The following GRAMD1A variants were observed in gnomAD, a reference collection of about 807,000 sequenced individuals.
GRAMD1A encodes protein Aster-A.
Under a neutral mutation model 92.0 loss-of-function variants are expected in GRAMD1A, and 50 were observed. The observed-to-expected ratio is 0.54, with a 90% CI of 0.43 to 0.69. The LOEUF is 0.69. Among genes scored for constraint, GRAMD1A ranks in the 30% least tolerant of loss-of-function variants. GRAMD1A has a pLI of 0.00. For missense variants in GRAMD1A, 819 were observed against 978.9 expected, an observed-to-expected ratio of 0.84 and a Z score of 2.18; for synonymous variants, 405 against 403.6, an observed-to-expected ratio of 1.00 and a Z score of -0.04.
At chr19:35,007,951 CTTAGGGTT>C in intron 1 of GRAMD1A, among the ~76,000 whole-genome samples, 1 of 152,052 alleles carries the variant, frequency 6.6e-6, no homozygotes, top group Non-Finnish European at 1.5e-5. Flanking sequence ...AAGAAAGATG[CTTAGGGTT>C]TTAGCTCCGA....
At position 35,014,465 on chromosome 19, in the gene GRAMD1A, C is replaced by T. The variant is rs531516745; in HGVS notation, c.1069+78C>T. On this transcript the variant is annotated intron_variant, in intron 10 of 19. Transcript: ENST00000317991. ...AGTCTTAAGCAAGAGGGGATGGATT[C>T]GCCCGCAGCACTGAGAATCCAGGGG... The T allele has an allele frequency of 4.6e-5, 58 of 1,266,500 alleles. No individual in the cohort carries two copies. In the South Asian group the frequency reaches 4.7e-4, roughly 10 times the overall value. 78.5% of individuals were successfully genotyped at this position (1,266,500 alleles called of 1,614,324 possible). A position where few individuals can be genotyped will look rare whatever the true frequency, so the allele number is the denominator to read the frequency against.
intron 18 of GRAMD1A, 24 bp downstream of exon 18, chr19:35,023,367 G>A: frequency 1.2e-6 from 2 of 1,613,298 alleles, no homozygotes; most frequent in South Asian, 1.1e-5. Flanking sequence ...CTGGGGAAAT[G>A]GGGGGGCTTG....
rs775880655 is a variant in GRAMD1A, at chr19:35,013,698, G to A, written c.870+7G>A. ...CAGCGACGCAGACCATGGGGTGAGC[G>A]GTGGGTTGGAAGAGGGGTGGGATAC... On this transcript the variant is annotated splice_region_variant and intron_variant, in intron 9 of 19. Transcript: ENST00000317991. This position sits in a 1 kb window ranked among gnomAD's most constrained non-coding sequence, Gnocchi z 4.9. The A allele has an allele frequency of 1.7e-5, 27 of 1,601,966 alleles. No individual in the cohort carries two copies. The highest frequency in any genetic ancestry group is 1.4e-4 in the South Asian group (13 of 89,920).
At chr19:34,997,123 A>T (rs2014067905), upstream of GRAMD1A, among the ~76,000 whole-genome samples, 1 of 151,984 alleles carries the variant, frequency 6.6e-6, no homozygotes, top group African/African-American at 2.4e-5. Context: ...CATGTTGCCC[A>T]GGCTGGTCTT....
At chr19:34,996,176 G>A, upstream of GRAMD1A, 1 of 1,535,788 alleles carries the variant, frequency 6.5e-7, no homozygotes, top group Non-Finnish European at 8.7e-7. Context: ...GCTCCTGGAG[G>A]TGCCCATCAT....
At position 35,021,779 on chromosome 19, in the gene GRAMD1A, G is replaced by A; in HGVS notation, c.1668G>A (p.Lys556=). ...RGLLSGLRRR[K]RPLSWRAHGD... Reference sequence around the variant, plus strand: ...TGCTATCCGGCCTGCGGCGGCGGAAGCGGCCCCTGAGCTGGCGGGCTCACG... The same window carrying A: ...TGCTATCCGGCCTGCGGCGGCGGAAACGGCCCCTGAGCTGGCGGGCTCACG... The change falls in exon 15 of 20, where the codon AAG becomes AAA. Residue 556 remains lysine (K), a synonymous_variant. Transcript: ENST00000317991. The surrounding 1 kb of genome is among the most constrained non-coding windows in gnomAD (Gnocchi z 5.3). The A allele has an allele frequency of 6.2e-7, 1 of 1,612,482 alleles. No individual in the cohort carries two copies. Among genetic ancestry groups the A allele is most frequent in the South Asian group, 1.1e-5 (1 of 90,966 alleles).
At chr19:35,017,483 G>A (rs1600320835) in intron 11 of GRAMD1A, among the ~76,000 whole-genome samples, 1 of 152,102 alleles carries the variant, frequency 6.6e-6, no homozygotes, top group Non-Finnish European at 1.5e-5. Flanking sequence ...ACTCCCATCT[G>A]ACACGCTCCT....
chr19:35,010,094 TAC>T lies in GRAMD1A; in HGVS notation c.329_330del (p.Tyr110PhefsTer7). The stretch of plus-strand genomic sequence containing the variant: ...CTGTCTCTCCCCGCCCCTCTCAGAT[TAC>T]TCCTGCGCCCTGCAGCGTGAGATCC... Reference protein sequence around the residue: ...LPEAERLIVDYSCALQREILL... With the variant: ...LPEAERLIVDXSCALQREILL... On this transcript the variant is annotated frameshift_variant, in exon 5 of 20. Coordinates refer to ENST00000317991, the MANE Select transcript of GRAMD1A (RefSeq NM_020895.5). LOFTEE classifies it high-confidence loss of function. 1 of 1,605,988 alleles carries T rather than the reference TAC, an allele frequency of 6.2e-7. No homozygotes were observed. Among genetic ancestry groups the T allele is most frequent in the Non-Finnish European group, 8.5e-7 (1 of 1,172,614 alleles).
At chr19:35,014,722 G>A (rs911318739) in intron 10 of GRAMD1A, 1 of 353,068 alleles carries the variant, frequency 2.8e-6, no homozygotes. Flanking sequence ...TCATAGGATT[G>A]TTGTTAAGAG....
In GRAMD1A at chr19:35,011,118, AAAG is replaced by A. The variant is rs200285738; in HGVS notation, c.526-355_526-353del. 3.1e-3 allele frequency among the ~76,000 whole-genome samples: 465 copies of A among 151,596 alleles called. 2 individuals are homozygous for A. Among genetic ancestry groups the A allele is most frequent in the African/African-American group, 0.011 (445 of 41,302 alleles). ...CCCTGTCTCAAAAAAAAAAAAAAAA[AAAG>A]GATCAACTGACCATTCTTAGTGGCA... On this transcript the variant is annotated intron_variant, in intron 6 of 19. Transcript: ENST00000317991.
intron 10 of GRAMD1A, 165 bp downstream of exon 10, chr19:35,014,552 C>T (rs1456497748): frequency 4.6e-6 from 3 of 649,900 alleles, no homozygotes; most frequent in Non-Finnish European, 5.4e-6. Flanking sequence ...GTTTTGAAGG[C>T]AGCATGGCAG....
At position 35,013,087 on chromosome 19, in the gene GRAMD1A, T is replaced by C. The variant is rs375324476; in HGVS notation, c.607-169T>C. The C allele has an allele frequency of 1.3e-4, 75 of 576,022 alleles. No homozygotes were observed. The East Asian group carries it at 1.3e-3, about 10-fold the overall frequency. The allele number at this position is 576,022 out of a possible 1,614,324, so 35.7% of individuals were successfully genotyped here. A position where few individuals can be genotyped will look rare whatever the true frequency, so the allele number is the denominator to read the frequency against. ...TCCTGGGCGCAGGCCCTGGAGGGGCTGTAGCAGGGGATTCCCCGCTTGCTG... is the reference window on the plus strand; with the variant it reads ...TCCTGGGCGCAGGCCCTGGAGGGGCCGTAGCAGGGGATTCCCCGCTTGCTG... On this transcript the variant is annotated intron_variant, in intron 7 of 19. Transcript: ENST00000317991. The surrounding 1 kb of genome is among the most constrained non-coding windows in gnomAD (Gnocchi z 4.9).
chr19:35,017,520 T>C (rs1229908159), intron 11 of GRAMD1A, among the ~76,000 whole-genome samples: 1 of 152,066 alleles, frequency 6.6e-6, no homozygotes, highest in Admixed American at 6.6e-5. Context: ...TTTTGTAGCC[T>C]CCCAAGTTCC....
At chr19:34,998,799 A>G (rs2014151871), upstream of GRAMD1A, among the ~76,000 whole-genome samples, 2 of 140,090 alleles carry the variant, frequency 1.4e-5, no homozygotes, top group Non-Finnish European at 3.1e-5. Context: ...GAGGTAGGGC[A>G]CGGCGATAGG....
At position 35,021,275 on chromosome 19, in the gene GRAMD1A, G is replaced by T. The variant is rs141263719; in HGVS notation, c.1476-227G>T. On this transcript the variant is annotated intron_variant, in intron 13 of 19. Transcript: ENST00000317991. The surrounding 1 kb of genome is among the most constrained non-coding windows in gnomAD (Gnocchi z 5.3). ...GCCGGGAGCGTTGCCCAGGTAGTGG[G>T]CATGGGTGGAGAAGGACCGAGGGCT... Among the ~76,000 whole-genome samples, 1,519 of 152,310 alleles carry T rather than the reference G, an allele frequency of 1.0e-2. 37 individuals are homozygous for T. The highest frequency in any genetic ancestry group is 0.087 in the South Asian group (419 of 4,824).
At chr19:35,019,685 G>A (rs911427511) in intron 13 of GRAMD1A, 152 bp downstream of exon 13, 9 of 766,522 alleles carry the variant, frequency 1.2e-5, no homozygotes, top group Admixed American at 2.5e-5. Context: ...AATAGTGGAG[G>A]GTAGAGGAAG....
At chr19:35,002,547 CGT>C (rs1360640218) in intron 1 of GRAMD1A, 1 of 152,190 alleles carries the variant, frequency 6.6e-6, no homozygotes, top group Non-Finnish European at 1.5e-5. Context: ...ATTACAGGTG[CGT>C]GCCACCACAC....
chr19:35,008,327 T>C (rs1483044603), intron 1 of GRAMD1A, among the ~76,000 whole-genome samples: 2 of 151,634 alleles, frequency 1.3e-5, no homozygotes, highest in East Asian at 3.9e-4. Context: ...AGAGATTCCG[T>C]CTTAAAATAA....
intron 1 of GRAMD1A, among the ~76,000 whole-genome samples, chr19:35,003,502 C>T (rs976003213): frequency 6.6e-6 from 1 of 152,144 alleles, no homozygotes; most frequent in Non-Finnish European, 1.5e-5. Flanking sequence ...CTTTGCCCAG[C>T]CCTGGAGCAA....
Sources: allele counts gnomAD v4.1 joint callset (sites outside exome capture counted in the v4.1 genomes callset), GRCh38; gene constraint gnomAD v4.1.1; non-coding constraint Gnocchi (gnomAD v3.1); transcripts MANE v1.5; gene names NCBI Gene and HGNC (gene_info 2026-07-23, HGNC 2026-07-21).